EFCAB13: variants seen among roughly 807,000 people sequenced by gnomAD.
EFCAB13 encodes the protein EF-hand calcium binding domain 13.
Under a neutral mutation model 110.2 loss-of-function variants are expected in EFCAB13, and 91 were observed. The ratio of observed to expected loss-of-function variants is 0.83; its 90% CI spans 0.70 to 0.98. The LOEUF (loss-of-function observed/expected upper bound fraction) is 0.98, where lower values mean the gene tolerates loss of function less well. Ranked by LOEUF, EFCAB13 falls within the 50% of genes least tolerant of loss-of-function variation. The pLI is 0.00. For synonymous variants in EFCAB13, 323 were observed against 369.9 expected, an observed-to-expected ratio of 0.87 and a Z score of 1.45; for missense variants, 968 against 1,119.4, an observed-to-expected ratio of 0.86 and a Z score of 1.93.
intron 24 of EFCAB13, 167 bp downstream of exon 24, chr17:47,430,128 G>A (rs1479934797): frequency 9.5e-6 from 12 of 1,268,702 alleles, no homozygotes; most frequent in Non-Finnish European, 5.0e-6. Context: ...TGAGCTTCAT[G>A]GGGCCAAACA....
rs1172506864 is a variant in EFCAB13, at chr17:47,429,965, A to T, written c.2638+4A>T. 4.4e-6 allele frequency: 7 copies of T among 1,595,534 alleles called. No homozygotes were observed. The Admixed American group carries it at 1.0e-4, about 23-fold the overall frequency. On this transcript the variant is annotated splice_donor_region_variant and intron_variant, in intron 24 of 24. Coordinates refer to ENST00000331493, the MANE Select transcript of EFCAB13 (RefSeq NM_152347.5). ...TTAAGACATGTACCTGAACATGGTT[A>T]GTAGTTTCAATGCGTCTATCTTATA... is the stretch of plus-strand genomic sequence containing the variant.
At chr17:47,384,238 T>C (rs1486361419) in intron 14 of EFCAB13, among the ~76,000 whole-genome samples, 2 of 151,774 alleles carry the variant, frequency 1.3e-5, no homozygotes, top group African/African-American at 4.8e-5. Context: ...TCTTTGCATG[T>C]GAGATGGGTC....
chr17:47,414,841 C>A lies in EFCAB13; in HGVS notation c.2423-7C>A, dbSNP rs778128493. The A allele has an allele frequency of 1.9e-6, 3 of 1,585,354 alleles. No homozygotes were observed. The Admixed American group carries it at 5.2e-5, about 27-fold the overall frequency. ...TAATGTCAGCATTTTTTACTTTGAC[C>A]TTCCAGATAATATGGAGGTGGATTT... On this transcript the variant is annotated splice_polypyrimidine_tract_variant and splice_region_variant and intron_variant, in intron 22 of 24. Transcript: ENST00000331493.
In EFCAB13 at chr17:47,382,330, T is replaced by C. The variant is rs574123700; in HGVS notation, c.1582+3077T>C. On this transcript the variant is annotated intron_variant, in intron 14 of 24. Transcript: ENST00000331493. ...GAGGCAATTGGACTTCCTCTCTTCC[T>C]ATGTGAATACGCTTTATTTCTTTCT... Among the ~76,000 whole-genome samples the C allele has an allele frequency of 5.3e-5, 8 of 152,324 alleles. 1 individual carries two copies. The South Asian group carries it at 1.7e-3, about 32-fold the overall frequency.
At chr17:47,328,435 T>C (rs1348127469) in intron 4 of EFCAB13, 52 bp downstream of exon 4, 1 of 1,395,450 alleles carries the variant, frequency 7.2e-7, no homozygotes, top group African/African-American at 1.5e-5. Context: ...TTTTTAAAAT[T>C]AGTTTACATT....
At chr17:47,373,040 C>T (rs1695947448) in intron 11 of EFCAB13, among the ~76,000 whole-genome samples, 4 of 152,034 alleles carry the variant, frequency 2.6e-5, no homozygotes, top group Admixed American at 2.6e-4. Flanking sequence ...TTCATAAACT[C>T]TTATAACTTG....
intron 23 of EFCAB13, among the ~76,000 whole-genome samples, chr17:47,421,626 A>G (rs1904716846): frequency 1.2e-5 from 1 of 86,798 alleles, no homozygotes. Flanking sequence ...ATGAGCAATA[A>G]AAAAAAGAAA....
At chr17:47,361,671 C>A in intron 10 of EFCAB13, 150 bp downstream of exon 10, 1 of 533,846 alleles carries the variant, frequency 1.9e-6, no homozygotes, top group Non-Finnish European at 3.0e-6. Context: ...TTACTGGTGT[C>A]TATAGTAAGA....
rs537585291 is a variant in EFCAB13 at position 47,414,770 on chromosome 17, T to C, written c.2423-78T>C. 7.2e-5 allele frequency: 64 copies of C among 892,440 alleles called. 1 individual carries two copies. The South Asian group carries it at 9.1e-4, about 13-fold the overall frequency. The allele number at this position is 892,440 out of a possible 1,614,324, so 55.3% of individuals were successfully genotyped here. ...GCTAGAGTGAAATTTTAGCTAACTATTGTAAATCGGTCTTTATTTCATGTG... is the reference window on the plus strand; with the variant it reads ...GCTAGAGTGAAATTTTAGCTAACTACTGTAAATCGGTCTTTATTTCATGTG... On this transcript the variant is annotated intron_variant, in intron 22 of 24. Coordinates refer to ENST00000331493, the MANE Select transcript of EFCAB13 (RefSeq NM_152347.5).
intron 14 of EFCAB13, among the ~76,000 whole-genome samples, chr17:47,383,805 T>C (rs2143389480): frequency 6.6e-6 from 1 of 152,272 alleles, no homozygotes; most frequent in East Asian, 1.9e-4. Context: ...CTGAGAAGAA[T>C]GTATATTGTT....
intron 24 of EFCAB13, among the ~76,000 whole-genome samples, chr17:47,432,976 T>C (rs1375222020): frequency 1.3e-5 from 2 of 152,218 alleles, no homozygotes; most frequent in Non-Finnish European, 2.9e-5. Flanking sequence ...ATTGGGACAG[T>C]ACCATTCATT....
chr17:47,362,085 A>G (rs775032488), intron 10 of EFCAB13, among the ~76,000 whole-genome samples: 2 of 152,184 alleles, frequency 1.3e-5, no homozygotes, highest in Admixed American at 1.3e-4. Flanking sequence ...CAAGCCAACC[A>G]GGTGCCGAGG....
chr17:47,435,192 AAAAC>A lies in EFCAB13; in HGVS notation c.2638+5235_2639-5232del, dbSNP rs529042198. On this transcript the variant is annotated intron_variant, in intron 24 of 24. Coordinates refer to ENST00000331493, the MANE Select transcript of EFCAB13 (RefSeq NM_152347.5). The stretch of plus-strand genomic sequence containing the variant: ...AGAACTCAAACAAGTCAGCAAGAAA[AAAAC>A]AAAACCATCAAAAAGTGGGCAAAGG... 2.7e-3 allele frequency among the ~76,000 whole-genome samples: 407 copies of A among 152,316 alleles called. 5 individuals carry two copies. Among genetic ancestry groups the A allele is most frequent in the African/African-American group, 9.5e-3 (397 of 41,584 alleles).
intron 21 of EFCAB13, 57 bp from the exon 22 acceptor site, chr17:47,412,716 C>A: frequency 6.7e-7 from 1 of 1,488,406 alleles, no homozygotes; most frequent in Non-Finnish European, 9.0e-7. Flanking sequence ...AGATTTTGGA[C>A]AAATTATTTT....
chr17:47,380,324 T>C (rs544249741), intron 14 of EFCAB13, among the ~76,000 whole-genome samples: 5 of 152,098 alleles, frequency 3.3e-5, no homozygotes, highest in African/African-American at 9.6e-5. Flanking sequence ...AGTGAGAACA[T>C]GTGGTGTTTG....
chr17:47,332,846 G>A (rs1462383169), intron 4 of EFCAB13, among the ~76,000 whole-genome samples: 3 of 152,132 alleles, frequency 2.0e-5, no homozygotes, highest in East Asian at 3.9e-4. Flanking sequence ...TTTATATCTT[G>A]GCTATTGTGA....
intron 5 of EFCAB13, among the ~76,000 whole-genome samples, chr17:47,337,400 T>C (rs1300722566): frequency 6.6e-6 from 1 of 152,202 alleles, no homozygotes; most frequent in African/African-American, 2.4e-5. Flanking sequence ...AATTTGGTGA[T>C]GGGTACACTG....
intron 9 of EFCAB13, among the ~76,000 whole-genome samples, chr17:47,355,167 G>A (rs752679265): frequency 6.6e-6 from 1 of 152,122 alleles, no homozygotes; most frequent in African/African-American, 2.4e-5. Flanking sequence ...AAAATTCTTG[G>A]CTGATAATTG....
intron 5 of EFCAB13, among the ~76,000 whole-genome samples, chr17:47,335,569 T>C (rs1189410091): frequency 2.0e-5 from 3 of 152,226 alleles, no homozygotes; most frequent in Admixed American, 6.5e-5. Context: ...TAGGCTTCCA[T>C]GTTGTCTAAG....
Sources: allele counts gnomAD v4.1 joint callset (sites outside exome capture counted in the v4.1 genomes callset), GRCh38; gene constraint gnomAD v4.1.1; transcripts MANE v1.5; gene names NCBI Gene and HGNC (gene_info 2026-07-23, HGNC 2026-07-21).